PMEPA1: variants seen among roughly 807,000 people sequenced by gnomAD.
PMEPA1 encodes the protein protein TMEPAI.
PMEPA1 carries 11 observed loss-of-function variants against 23.0 expected under a neutral mutation model. The observed-to-expected ratio is 0.48, with a 90% CI of 0.30 to 0.79. PMEPA1 has a LOEUF of 0.79. PMEPA1 is among the 30% of genes least tolerant of loss of function. The pLI, the probability that PMEPA1 is intolerant of heterozygous loss-of-function variation, is 0.06. For synonymous variants in PMEPA1, 204 were observed against 166.4 expected, an observed-to-expected ratio of 1.23 and a Z score of -1.74; for missense variants, 377 against 390.9, an observed-to-expected ratio of 0.96 and a Z score of 0.30.
chr20:57,677,267 GAAC>G lies in PMEPA1; in HGVS notation c.110-17573_110-17571del, dbSNP rs2071650222. ...CACTTCCTTGTCTGTACCATGGAGT[GAAC>G]TATGGCCCCGTCTCATTGGGTTGTT... is the stretch of plus-strand genomic sequence containing the variant. On this transcript the variant is annotated intron_variant, in intron 1 of 3. Coordinates refer to ENST00000341744, the MANE Select transcript of PMEPA1 (RefSeq NM_020182.5). Among the ~76,000 whole-genome samples the G allele has an allele frequency of 4.6e-5, 7 of 152,296 alleles. No homozygotes were observed. The South Asian group carries it at 1.2e-3, about 27-fold the overall frequency.
In PMEPA1 at chr20:57,683,101, T is replaced by C. The variant is rs1376376274; in HGVS notation, c.110-23404A>G. On this transcript the variant is annotated intron_variant, in intron 1 of 3. Transcript: ENST00000341744. The surrounding 1 kb of genome is among the most constrained non-coding windows in gnomAD (Gnocchi z 4.3). ...GGGGGCATTTACGCCACACTTGTCC[T>C]TAAGCTCAGATCTCCCTGAGCAGGT... Among the ~76,000 whole-genome samples the C allele has an allele frequency of 2.0e-5, 3 of 152,214 alleles. No individual in the cohort carries two copies. The highest frequency in any genetic ancestry group is 2.0e-4 in the Admixed American group (3 of 15,284).
At chr20:57,705,148 T>C (rs2072062815) in intron 1 of PMEPA1, among the ~76,000 whole-genome samples, 1 of 152,218 alleles carries the variant, frequency 6.6e-6, no homozygotes, top group South Asian at 2.1e-4. Flanking sequence ...TGTGTGTGTC[T>C]GCACGTGTGC....
chr20:57,654,537 T>C (rs780106583), intron 2 of PMEPA1, among the ~76,000 whole-genome samples: 1 of 152,178 alleles, frequency 6.6e-6, no homozygotes, highest in Non-Finnish European at 1.5e-5. Flanking sequence ...CCTCGTCTCC[T>C]GATTTAGCGA....
intron 2 of PMEPA1, 27 bp downstream of exon 2, chr20:57,659,516 C>T (rs1456404254): frequency 6.2e-7 from 1 of 1,609,618 alleles, no homozygotes; most frequent in Admixed American, 1.7e-5. Flanking sequence ...CACCCTCAGG[C>T]CACAGATGGG....
At chr20:57,697,951 G>T (rs901803057) in intron 1 of PMEPA1, among the ~76,000 whole-genome samples, 5 of 152,254 alleles carry the variant, frequency 3.3e-5, no homozygotes, top group African/African-American at 1.2e-4. Context: ...TTAGAGAAAT[G>T]AGTAGGGAAT....
chr20:57,689,318 AG>A (rs2146694476), intron 1 of PMEPA1, among the ~76,000 whole-genome samples: 1 of 152,258 alleles, frequency 6.6e-6, no homozygotes, highest in Non-Finnish European at 1.5e-5. Context: ...TTCGGAACAA[AG>A]GGAGCATGAG....
At chr20:57,690,524 G>A in intron 1 of PMEPA1, 1 of 1,296,184 alleles carries the variant, frequency 7.7e-7, no homozygotes, top group Non-Finnish European at 1.0e-6. Context: ...TTATTGTGAA[G>A]CAAAAAAGAA....
chr20:57,695,998 A>T (rs2071938769), intron 1 of PMEPA1, among the ~76,000 whole-genome samples: 1 of 151,736 alleles, frequency 6.6e-6, no homozygotes, highest in Non-Finnish European at 1.5e-5. Flanking sequence ...CTCTCTCCTC[A>T]CCCCTCCTGG....
At position 57,649,758 on chromosome 20, in the gene PMEPA1, C is replaced by T. The variant is rs1009709856; in HGVS notation, c.*2295G>A. 6.6e-6 allele frequency: 1 copy of T among 152,520 alleles called. No homozygotes were observed. Among genetic ancestry groups the T allele is most frequent in the Admixed American group, 6.5e-5 (1 of 15,274 alleles). 9.4% of individuals were successfully genotyped at this position (152,520 alleles called of 1,614,324 possible). On this transcript the variant is annotated 3_prime_UTR_variant, in exon 4 of 4. Transcript: ENST00000341744. ...CTGGTAGAGACAGGGTGAGGACGCG[C>T]GAGGATGATGGGGTGTCTGAAAAGC...
At chr20:57,667,792 C>G (rs904179397) in intron 1 of PMEPA1, among the ~76,000 whole-genome samples, 1 of 152,192 alleles carries the variant, frequency 6.6e-6, no homozygotes, top group African/African-American at 2.4e-5. Flanking sequence ...CCAGCCACTT[C>G]ATTTACTGCC....
At chr20:57,673,514 G>A (rs1170894287) in intron 1 of PMEPA1, among the ~76,000 whole-genome samples, 1 of 152,160 alleles carries the variant, frequency 6.6e-6, no homozygotes, top group Non-Finnish European at 1.5e-5. Context: ...GCATGAGCCC[G>A]GCATGCAGGA....
At chr20:57,668,997 T>C (rs984324368) in intron 1 of PMEPA1, among the ~76,000 whole-genome samples, 4 of 152,260 alleles carry the variant, frequency 2.6e-5, no homozygotes, top group South Asian at 4.1e-4. Context: ...AAGCTGTATA[T>C]GACCCACCCA....
chr20:57,652,121 T>A lies in PMEPA1; in HGVS notation c.796A>T (p.Ile266Phe). The A allele has an allele frequency of 6.3e-7, 1 of 1,589,050 alleles. No individual in the cohort carries two copies. The highest frequency in any genetic ancestry group is 1.3e-5 in the African/African-American group (1 of 74,570). Residue 266 changes from isoleucine (I) to phenylalanine (F), a missense_variant, in exon 4 of 4, where the codon ATC becomes TTC. By Grantham distance (21) the Ile-to-Phe change is conservative (BLOSUM62 0). Coordinates refer to ENST00000341744, the MANE Select transcript of PMEPA1 (RefSeq NM_020182.5). The surrounding 1 kb of genome is among the most constrained non-coding windows in gnomAD (Gnocchi z 6.1). The part of the protein sequence containing the change: ...LEGTRLHHTH[I>F]APLESAAIWS... ...ATGGCTGCGCTCTCTAGGGGCGCGA[T>A]GTGTGTGTGGTGGAGCCGGGTCCCC... is the stretch of plus-strand genomic sequence containing the variant.
intron 1 of PMEPA1, among the ~76,000 whole-genome samples, chr20:57,688,768 T>G (rs2071835732): frequency 1.3e-5 from 2 of 152,184 alleles, no homozygotes; most frequent in African/African-American, 4.8e-5. Context: ...GGAATCAAAC[T>G]GGAGATTCTG....
rs2072142100 is a variant in PMEPA1, at chr20:57,709,687, C to A, written c.-105G>T. 2.0e-6 allele frequency: 2 copies of A among 977,356 alleles called. No homozygotes were observed. Among genetic ancestry groups the A allele is most frequent in the Non-Finnish European group, 2.4e-6 (2 of 826,378 alleles). 60.5% of individuals were successfully genotyped at this position (977,356 alleles called of 1,614,324 possible). A position where few individuals can be genotyped will look rare whatever the true frequency, so the allele number is the denominator to read the frequency against. ...GGCCCCGCATGCAGGAGGCGCGCGG[C>A]GGGGGAGGCGCGCCCCGGCTCGCCG... On this transcript the variant is annotated 5_prime_UTR_variant, in exon 1 of 4. Transcript: ENST00000341744.
intron 1 of PMEPA1, among the ~76,000 whole-genome samples, chr20:57,709,001 G>C (rs181800451): frequency 2.0e-5 from 3 of 152,016 alleles, no homozygotes; most frequent in Admixed American, 6.5e-5. Flanking sequence ...CATCCACTCA[G>C]AGCCCGAGAC....
chr20:57,697,605 G>A (rs2071957972), intron 1 of PMEPA1, among the ~76,000 whole-genome samples: 1 of 152,184 alleles, frequency 6.6e-6, no homozygotes, highest in South Asian at 2.1e-4. Context: ...TATTGAAAAC[G>A]ACCTGAGAGA....
chr20:57,689,571 G>A (rs2071849147), intron 1 of PMEPA1, among the ~76,000 whole-genome samples: 1 of 152,224 alleles, frequency 6.6e-6, no homozygotes, highest in Non-Finnish European at 1.5e-5. Flanking sequence ...TGAAACTCGG[G>A]GAATCCTCTT....
chr20:57,683,584 T>TG lies in PMEPA1; in HGVS notation c.110-23888_110-23887insC, dbSNP rs2071757054. Among the ~76,000 whole-genome samples, 1 of 152,012 alleles carries TG rather than the reference T, an allele frequency of 6.6e-6. No individual in the cohort carries two copies. The highest frequency in any genetic ancestry group is 1.9e-4 in the East Asian group (1 of 5,202). The stretch of plus-strand genomic sequence containing the variant: ...GTGTGTGTGTGTGTGTGTGTGTGTG[T>TG]TTCTTTTAAAAGTCTCTTCCCCTGA... On this transcript the variant is annotated intron_variant, in intron 1 of 3. Coordinates refer to ENST00000341744, the MANE Select transcript of PMEPA1 (RefSeq NM_020182.5). The surrounding 1 kb of genome is among the most constrained non-coding windows in gnomAD (Gnocchi z 4.3).
Sources: allele counts gnomAD v4.1 joint callset (sites outside exome capture counted in the v4.1 genomes callset), GRCh38; gene constraint gnomAD v4.1.1; non-coding constraint Gnocchi (gnomAD v3.1); transcripts MANE v1.5; gene names NCBI Gene and HGNC (gene_info 2026-07-23, HGNC 2026-07-21).